Variants in SND1 observed in about 807,000 individuals in gnomAD.
SND1 encodes staphylococcal nuclease domain-containing protein 1.
In SND1, 38 loss-of-function variants were observed where a neutral mutation model predicts 121.7. The ratio of observed to expected loss-of-function variants is 0.31; its 90% CI spans 0.24 to 0.41. The LOEUF (loss-of-function observed/expected upper bound fraction) is 0.41. Among genes scored for constraint, SND1 ranks in the 10% least tolerant of loss-of-function variants. The pLI, the probability that SND1 is intolerant of heterozygous loss-of-function variation, is 1.00. For missense variants in SND1, 868 were observed against 1,184.6 expected (o/e 0.73, Z 3.92); for synonymous variants, 401 against 447.4 (o/e 0.90, Z 1.31).
At chr7:127,837,193 AG>A (rs371555162) in intron 11 of SND1, among the ~76,000 whole-genome samples, 15 of 152,348 alleles carry the variant, frequency 9.8e-5, no homozygotes, top group African/African-American at 3.6e-4. Context: ...GATAGGATAG[AG>A]GAATGAGGCT....
intron 8 of SND1, among the ~76,000 whole-genome samples, chr7:127,705,190 A>G (rs1279103538): frequency 6.6e-6 from 1 of 152,092 alleles, no homozygotes; most frequent in Non-Finnish European, 1.5e-5. Context: ...TGCTTTTTTA[A>G]TGTTTTCAGG....
intron 11 of SND1, among the ~76,000 whole-genome samples, chr7:127,808,727 G>A (rs1295185091): frequency 3.3e-5 from 5 of 152,218 alleles, no homozygotes; most frequent in African/African-American, 7.2e-5. Context: ...ACAGCATGCT[G>A]TATTCATTCA....
intron 2 of SND1, among the ~76,000 whole-genome samples, chr7:127,692,954 T>C (rs1795947150): frequency 6.6e-6 from 1 of 152,224 alleles, no homozygotes; most frequent in Non-Finnish European, 1.5e-5. Context: ...CTAGTTATTT[T>C]CCTGTGAACT....
chr7:127,753,460 T>C (rs1238921469), intron 10 of SND1, among the ~76,000 whole-genome samples: 1 of 152,112 alleles, frequency 6.6e-6, no homozygotes, highest in East Asian at 1.9e-4. Context: ...AACTTTTTTT[T>C]TTTTAAATGA....
intron 10 of SND1, among the ~76,000 whole-genome samples, chr7:127,792,721 C>T (rs1184001903): frequency 6.6e-6 from 1 of 152,166 alleles, no homozygotes; most frequent in African/African-American, 2.4e-5. Flanking sequence ...GGACCCAGAC[C>T]TCCCAGGAGT....
chr7:128,028,495 A>C, intron 16 of SND1: 5 of 582,802 alleles, frequency 8.6e-6, no homozygotes, highest in East Asian at 3.2e-5. Flanking sequence ...TAGAACTTAC[A>C]AGTTAGAAAA....
chr7:127,884,095 A>G (rs771683041), intron 12 of SND1, among the ~76,000 whole-genome samples: 3 of 152,134 alleles, frequency 2.0e-5, no homozygotes, highest in Non-Finnish European at 4.4e-5. Context: ...TCAAACAGTT[A>G]TAATCCACTC....
intron 10 of SND1, 60 bp downstream of exon 10, chr7:127,721,460 T>C: frequency 2.2e-6 from 2 of 913,286 alleles, no homozygotes; most frequent in Non-Finnish European, 1.8e-6. Flanking sequence ...AGTTGGAGAA[T>C]TGATTAATAT....
chr7:127,767,818 C>G (rs1797447746), intron 10 of SND1, among the ~76,000 whole-genome samples: 1 of 152,132 alleles, frequency 6.6e-6, no homozygotes, highest in Non-Finnish European at 1.5e-5. Context: ...TATATAGATA[C>G]ATCTTACCTC....
intron 2 of SND1, among the ~76,000 whole-genome samples, chr7:127,690,424 T>C (rs940048491): frequency 6.6e-6 from 1 of 152,208 alleles, no homozygotes; most frequent in East Asian, 1.9e-4. Context: ...CCTCCATCAG[T>C]AGTTCCTTCG....
intron 16 of SND1, among the ~76,000 whole-genome samples, chr7:128,053,267 C>G (rs925086127): frequency 1.3e-5 from 2 of 152,244 alleles, no homozygotes; most frequent in East Asian, 3.8e-4. Context: ...TTCCTAAAGC[C>G]TCTTTTATCC....
intron 15 of SND1, among the ~76,000 whole-genome samples, chr7:127,955,522 T>C (rs1801572150): frequency 1.3e-5 from 2 of 152,068 alleles, no homozygotes; most frequent in Non-Finnish European, 2.9e-5. Flanking sequence ...TGGTGGCACG[T>C]GGTTATGCAG....
chr7:127,711,488 GATTTCT>G (rs1796296136), intron 9 of SND1, among the ~76,000 whole-genome samples: 2 of 152,014 alleles, frequency 1.3e-5, no homozygotes, highest in Admixed American at 6.5e-5. Context: ...AAACCATCCT[GATTTCT>G]TATCCTTATA....
At chr7:128,088,296 AAAAAAAT>A (rs1793718055) in intron 21 of SND1, among the ~76,000 whole-genome samples, 1 of 151,250 alleles carries the variant, frequency 6.6e-6, no homozygotes, top group African/African-American at 2.4e-5. Flanking sequence ...AAAAAAAAAA[AAAAAAAT>A]AGCTGGGTGT....
chr7:127,850,630 T>G (rs967660363), intron 12 of SND1, among the ~76,000 whole-genome samples: 19 of 152,178 alleles, frequency 1.2e-4, no homozygotes, highest in Non-Finnish European at 2.1e-4. Flanking sequence ...AGGGTTGTTG[T>G]TTTTTTCCAC....
intron 15 of SND1, among the ~76,000 whole-genome samples, chr7:127,934,497 A>T (rs56922858): frequency 6.6e-6 from 1 of 152,144 alleles, no homozygotes; most frequent in East Asian, 1.9e-4. Context: ...GAGAGCAATT[A>T]AGAGGCAAGA....
intron 16 of SND1, among the ~76,000 whole-genome samples, chr7:128,003,237 A>G (rs1188472993): frequency 6.6e-6 from 1 of 152,166 alleles, no homozygotes; most frequent in Non-Finnish European, 1.5e-5. Context: ...TGAAAATGAA[A>G]AAGAAAAATC....
chr7:127,877,235 A>G (rs1011246984), intron 12 of SND1, among the ~76,000 whole-genome samples: 4 of 152,130 alleles, frequency 2.6e-5, no homozygotes, highest in East Asian at 1.9e-4. Context: ...AAAATTGTCT[A>G]TTTACTAAGC....
chr7:127,781,868 G>C (rs1235542903), intron 10 of SND1, among the ~76,000 whole-genome samples: 2 of 152,194 alleles, frequency 1.3e-5, no homozygotes, highest in African/African-American at 2.4e-5. Flanking sequence ...ATTATTCCCA[G>C]TAATCGTTTC....
Sources: allele counts gnomAD v4.1 joint callset (sites outside exome capture counted in the v4.1 genomes callset), GRCh38; gene constraint gnomAD v4.1.1; transcripts MANE v1.5; gene names NCBI Gene and HGNC (gene_info 2026-07-23, HGNC 2026-07-21).